Variants in COA5 observed in about 807,000 individuals in gnomAD.
The protein encoded by COA5 is protein C2orf64.
Under a neutral mutation model 11.8 loss-of-function variants are expected in COA5, and 11 were observed. The ratio of observed to expected loss-of-function variants is 0.93; its 90% CI spans 0.59 to 1.54. COA5 has a LOEUF of 1.54. COA5 is among the 40% of genes most tolerant of loss of function. The probability of loss-of-function intolerance (pLI) is 0.00; values close to 1 mark genes in which losing one functional copy is unlikely to be tolerated. For synonymous variants in COA5, 38 were observed against 37.5 expected (o/e 1.01, Z -0.05); for missense variants, 87 against 89.2 (o/e 0.97, Z 0.10).
intron 2 of COA5, among the ~76,000 whole-genome samples, chr2:98,601,671 T>C (rs566437152): frequency 3.3e-5 from 5 of 152,096 alleles, no homozygotes; most frequent in Non-Finnish European, 7.4e-5. Context: ...CCTGTACCAG[T>C]CCATGGCCTG....
At chr2:98,600,864 G>A in intron 2 of COA5, 71 bp from the exon 3 acceptor site, 1 of 955,748 alleles carries the variant, frequency 1.0e-6, no homozygotes, top group East Asian at 2.6e-5. Context: ...ACTTTGGTAA[G>A]GGTATCACCG....
intron 1 of COA5, among the ~76,000 whole-genome samples, chr2:98,608,053 G>C (rs946561294): frequency 6.6e-6 from 1 of 152,242 alleles, no homozygotes. Context: ...TTCAATAAAG[G>C]CTTCGTGAAC....
rs987168210 is a variant in COA5 at position 98,604,294 on chromosome 2, A to AG, written c.100-104dup. The AG allele has an allele frequency of 6.6e-6, 6 of 906,170 alleles. No homozygotes were observed. The African/African-American group carries it at 9.9e-5, about 15-fold the overall frequency. 56.1% of individuals were successfully genotyped at this position (906,170 alleles called of 1,614,324 possible). ...TAGTCCTTTTTAAAAGTGTTAAAGG[A>AG]GGAAAATAGAAAGTTATGTAGGAAA... On this transcript the variant is annotated intron_variant, in intron 1 of 2. Coordinates refer to ENST00000328709, the MANE Select transcript of COA5 (RefSeq NM_001008215.3).
chr2:98,600,316 G>C lies in COA5; in HGVS notation c.*436C>G, dbSNP rs1343719667. The stretch of plus-strand genomic sequence containing the variant: ...CACAATTCATTTTAGAACTAGACAG[G>C]AAAAGACTGAACTAAAGAAAAAGTT... On this transcript the variant is annotated 3_prime_UTR_variant, in exon 3 of 3. Coordinates refer to ENST00000328709, the MANE Select transcript of COA5 (RefSeq NM_001008215.3). The C allele has an allele frequency of 5.0e-6, 1 of 199,754 alleles. No individual in the cohort carries two copies. The highest frequency in any genetic ancestry group is 1.0e-5 in the Non-Finnish European group (1 of 95,962). The allele number at this position is 199,754 out of a possible 1,614,324, so 12.4% of individuals were successfully genotyped here.
chr2:98,604,044 C>G, intron 2 of COA5, 64 bp downstream of exon 2: 1 of 1,176,288 alleles, frequency 8.5e-7, no homozygotes, highest in South Asian at 1.2e-5. Flanking sequence ...TTAAGTCATT[C>G]ATATATTTAA....
At chr2:98,606,899 T>A (rs1398782873) in intron 1 of COA5, among the ~76,000 whole-genome samples, 1 of 152,130 alleles carries the variant, frequency 6.6e-6, no homozygotes, top group East Asian at 1.9e-4. Flanking sequence ...CCCTCCCACA[T>A]CTCCCTGCCT....
intron 1 of COA5, 56 bp from the exon 2 acceptor site, chr2:98,604,247 A>G: frequency 8.0e-7 from 1 of 1,255,112 alleles, no homozygotes. Flanking sequence ...CACAAAGTAC[A>G]AAATAATTGT....
chr2:98,606,772 C>T (rs1171932085), intron 1 of COA5, among the ~76,000 whole-genome samples: 2 of 151,976 alleles, frequency 1.3e-5, no homozygotes, highest in Non-Finnish European at 2.9e-5. Flanking sequence ...TGCTGAACGT[C>T]TGGATAAAAT....
At chr2:98,607,692 C>G (rs1244993260) in intron 1 of COA5, among the ~76,000 whole-genome samples, 1 of 152,222 alleles carries the variant, frequency 6.6e-6, no homozygotes, top group African/African-American at 2.4e-5. Flanking sequence ...CTACATGTTT[C>G]AGTGCATTCC....
intron 2 of COA5, among the ~76,000 whole-genome samples, chr2:98,603,793 G>T (rs544005725): frequency 1.4e-4 from 22 of 152,246 alleles, no homozygotes; most frequent in Admixed American, 6.5e-4. Context: ...GTATACAATT[G>T]CCAACTGATC....
Position 98,600,663 on chromosome 2 carries a change from G to T in COA5, c.*89C>A. The T allele has an allele frequency of 8.7e-7, 1 of 1,152,048 alleles. No individual in the cohort carries two copies. Among genetic ancestry groups the T allele is most frequent in the Non-Finnish European group, 1.3e-6 (1 of 779,254 alleles). 71.4% of individuals were successfully genotyped at this position (1,152,048 alleles called of 1,614,324 possible). On this transcript the variant is annotated 3_prime_UTR_variant, in exon 3 of 3. Transcript: ENST00000328709. ...AATCTGGTCCAACCAAACAGATGTA[G>T]TAAAAAGTATGTTTCCTGTTTTGGC...
chr2:98,603,988 T>C, intron 2 of COA5, 120 bp downstream of exon 2: 1 of 708,454 alleles, frequency 1.4e-6, no homozygotes. Context: ...AAATATTATC[T>C]ATGTAATTTT....
rs181148711 is a variant in COA5, at chr2:98,599,659, C to G, written c.*1093G>C. Reference sequence around the variant, plus strand: ...ACGGAGGTATAAAGACGCTAGAGTTCTTTGTAATTCTTCAGTGCCAAAAAT... The same window carrying G: ...ACGGAGGTATAAAGACGCTAGAGTTGTTTGTAATTCTTCAGTGCCAAAAAT... On this transcript the variant is annotated 3_prime_UTR_variant, in exon 3 of 3. Coordinates refer to ENST00000328709, the MANE Select transcript of COA5 (RefSeq NM_001008215.3). 45 of 152,322 alleles carry G rather than the reference C, an allele frequency of 3.0e-4. No individual in the cohort carries two copies. The highest frequency in any genetic ancestry group is 3.4e-3 in the Middle Eastern group (1 of 294). 9.4% of individuals were successfully genotyped at this position (152,322 alleles called of 1,614,324 possible). A position where few individuals can be genotyped will look rare whatever the true frequency, so the allele number is the denominator to read the frequency against.
chr2:98,604,186 T>C lies in COA5; in HGVS notation c.105A>G (p.Gly35=). The C allele has an allele frequency of 6.2e-7, 1 of 1,612,880 alleles. No homozygotes were observed. The highest frequency in any genetic ancestry group is 8.5e-7 in the Non-Finnish European group (1 of 1,178,952). Residue 35 remains glycine, a synonymous_variant, in exon 2 of 3, where the codon GGA becomes GGG. Transcript: ENST00000328709. ...LLQSDCVVQE[G]KSPRQCLKEG... is the part of the protein sequence containing the mutation. ...CCTTCAAACACTGCCGAGGTGATTT[T>C]CCTTCCTATGACAGACACATAAAAC...
rs1441110524 is a variant in COA5 at position 98,602,959 on chromosome 2, ATCC to A, written c.183+1146_183+1148del. Among the ~76,000 whole-genome samples the A allele has an allele frequency of 3.3e-5, 5 of 152,324 alleles. No individual in the cohort carries two copies. The East Asian group carries it at 9.6e-4, about 29-fold the overall frequency. On this transcript the variant is annotated intron_variant, in intron 2 of 2. Transcript: ENST00000328709. ...AATCTATGTGAGAGAAGGCAAGAAA[ATCC>A]TCCTCTATTCACACTGAATGACAGG...
intron 1 of COA5, among the ~76,000 whole-genome samples, chr2:98,606,034 G>C (rs1700701846): frequency 1.3e-5 from 2 of 152,252 alleles, no homozygotes; most frequent in South Asian, 4.1e-4. Context: ...GCAGCACCTA[G>C]AACTAAATAC....
At chr2:98,601,284 C>T (rs541353275) in intron 2 of COA5, among the ~76,000 whole-genome samples, 3 of 152,060 alleles carry the variant, frequency 2.0e-5, no homozygotes, top group East Asian at 1.9e-4. Flanking sequence ...ATAGAAGTTC[C>T]GCTTAAGGGC....
In COA5 at chr2:98,600,723, G is replaced by T. The variant is rs1431921027; in HGVS notation, c.*29C>A. 2 of 1,598,138 alleles carry T rather than the reference G, an allele frequency of 1.3e-6. No homozygotes were observed. Among genetic ancestry groups the T allele is most frequent in the African/African-American group, 1.3e-5 (1 of 74,718 alleles). ...TTAATGACCAGGGAAAATATTTGTTGTTTTCCATGTTGGCTTCAACATAAT... is the reference window on the plus strand; with the variant it reads ...TTAATGACCAGGGAAAATATTTGTTTTTTTCCATGTTGGCTTCAACATAAT... On this transcript the variant is annotated 3_prime_UTR_variant, in exon 3 of 3. Transcript: ENST00000328709.
chr2:98,603,406 A>C (rs1437477902), intron 2 of COA5, among the ~76,000 whole-genome samples: 1 of 152,138 alleles, frequency 6.6e-6, no homozygotes, highest in Non-Finnish European at 1.5e-5. Context: ...TCTTGAACCC[A>C]GGAGGCAGAG....
Sources: allele counts gnomAD v4.1 joint callset (sites outside exome capture counted in the v4.1 genomes callset), GRCh38; gene constraint gnomAD v4.1.1; transcripts MANE v1.5; gene names NCBI Gene and HGNC (gene_info 2026-07-23, HGNC 2026-07-21).